PRDX2: variants seen among roughly 807,000 people sequenced by gnomAD.
The protein encoded by PRDX2 is peroxiredoxin 2.
In PRDX2, 10 loss-of-function variants were observed where a neutral mutation model predicts 19.8. The observed-to-expected ratio is 0.50, with a 90% CI of 0.31 to 0.86. PRDX2 has a LOEUF of 0.86. Ranked by LOEUF, PRDX2 falls within the 40% of genes least tolerant of loss-of-function variation. The pLI is 0.04. For missense variants in PRDX2, 226 were observed against 260.1 expected (o/e 0.87, Z 0.90); for synonymous variants, 118 against 108.2 (o/e 1.09, Z -0.56).
At chr19:12,797,366 C>G (rs1968808772) in intron 5 of PRDX2, among the ~76,000 whole-genome samples, 200 bp from the exon 6 acceptor site, 1 of 151,086 alleles carries the variant, frequency 6.6e-6, no homozygotes, top group Non-Finnish European at 1.5e-5. Context: ...GCTCTGTTGC[C>G]CAGGCTGAAG....
intron 1 of PRDX2, 51 bp from the exon 2 acceptor site, chr19:12,801,321 A>G (rs1306311091): frequency 6.5e-7 from 1 of 1,544,154 alleles, no homozygotes; most frequent in African/African-American, 1.4e-5. Context: ...TGTCCTCCCA[A>G]CCCAAGGTCG....
Position 12,801,026 on chromosome 19 carries a change from A to C in PRDX2, c.147T>G (p.Phe49Leu). The C allele has an allele frequency of 6.2e-7, 1 of 1,612,338 alleles. No individual in the cohort carries two copies. The highest frequency in any genetic ancestry group is 8.5e-7 in the Non-Finnish European group (1 of 1,179,144). The change falls in exon 3 of 6, where the codon TTT becomes TTG. Residue 49 changes from phenylalanine (F) to leucine (L), a missense_variant. Transcript: ENST00000301522. ...VLFFYPLDFT[F>L]VCPTEIIAFS... ...ACGCGATGATCTCGGTGGGGCACAC[A>C]AAAGTGAAGTCCAGAGGGTAGAAAA...
Position 12,796,980 on chromosome 19 carries a change from G to T in PRDX2, c.*101C>A. 8.3e-7 allele frequency: 1 copy of T among 1,198,744 alleles called. No individual in the cohort carries two copies. The highest frequency in any genetic ancestry group is 1.2e-6 in the Non-Finnish European group (1 of 830,124). 74.3% of individuals were successfully genotyped at this position (1,198,744 alleles called of 1,614,324 possible). A position where few individuals can be genotyped will look rare whatever the true frequency, so the allele number is the denominator to read the frequency against. On this transcript the variant is annotated 3_prime_UTR_variant, in exon 6 of 6. Transcript: ENST00000301522. ...CTGTGGAGTTTGGAGGGGCAGGTCT[G>T]GCCTTTCCTGGGTCAGCATAGGGCA...
chr19:12,799,905 A>G lies in PRDX2; in HGVS notation c.465T>C (p.Ala155=). The change falls in exon 5 of 6, where the codon GCT becomes GCC. Residue 155 remains alanine (A), a synonymous_variant. Transcript: ENST00000301522. ...ACTGGAAGGCCTGGACCAGCCGCAGAGCCTCATCCACGGAGCGTCCCACAG... is the reference window on the plus strand; with the variant it reads ...ACTGGAAGGCCTGGACCAGCCGCAGGGCCTCATCCACGGAGCGTCCCACAG... The part of the protein sequence containing the change: ...DLPVGRSVDE[A]LRLVQAFQYT... 6.2e-7 allele frequency: 1 copy of G among 1,613,764 alleles called. No individual in the cohort carries two copies. The highest frequency in any genetic ancestry group is 1.7e-5 in the Admixed American group (1 of 60,006).
rs762419025 is a variant in PRDX2, at chr19:12,799,901, G to T, written c.469C>A (p.Arg157=). The change falls in exon 5 of 6, where the codon CGG becomes AGG. Residue 157 remains arginine, a synonymous_variant. Coordinates refer to ENST00000301522, the MANE Select transcript of PRDX2 (RefSeq NM_005809.6). The part of the protein sequence containing the change: ...PVGRSVDEAL[R]LVQAFQYTDE... Reference sequence around the variant, plus strand: ...GTGTACTGGAAGGCCTGGACCAGCCGCAGAGCCTCATCCACGGAGCGTCCC... The same window carrying T: ...GTGTACTGGAAGGCCTGGACCAGCCTCAGAGCCTCATCCACGGAGCGTCCC... 3 of 1,613,516 alleles carry T rather than the reference G, an allele frequency of 1.9e-6. No homozygotes were observed. The highest frequency in any genetic ancestry group is 2.2e-5 in the South Asian group (2 of 91,046).
rs771910666 is a variant in PRDX2, at chr19:12,800,180, T to C, written c.377A>G (p.Tyr126Cys). Reference protein sequence around the residue: ...GVLKTDEGIAYRGLFIIDGKG... With the variant: ...GVLKTDEGIACRGLFIIDGKG... ...CGGGCTGAGGGTCCCACAGTACCTG[T>C]AGGCAATGCCCTCATCTGTTTTCAG... is the stretch of plus-strand genomic sequence containing the variant. The change falls in exon 4 of 6, where the codon TAC becomes TGC. Residue 126 changes from tyrosine (Y) to cysteine (C), a missense_variant. Tyr to Cys is a radical substitution (Grantham distance 194, BLOSUM62 -2). Coordinates refer to ENST00000301522, the MANE Select transcript of PRDX2 (RefSeq NM_005809.6). 4 of 1,613,730 alleles carry C rather than the reference T, an allele frequency of 2.5e-6. No homozygotes were observed. In the South Asian group the frequency reaches 3.3e-5, roughly 13 times the overall value.
chr19:12,801,008 G>T lies in PRDX2; in HGVS notation c.165C>A (p.Ile55=), dbSNP rs151188598. The change falls in exon 3 of 6, where the codon ATC becomes ATA. Residue 55 remains isoleucine, a synonymous_variant. Coordinates refer to ENST00000301522, the MANE Select transcript of PRDX2 (RefSeq NM_005809.6). The part of the protein sequence containing the change: ...LDFTFVCPTE[I]IAFSNRAEDF... The stretch of plus-strand genomic sequence containing the variant: ...CCTCTGCACGGTTGCTGAACGCGAT[G>T]ATCTCGGTGGGGCACACAAAAGTGA... 155 of 1,612,366 alleles carry T rather than the reference G, an allele frequency of 9.6e-5. No homozygotes were observed. The highest frequency in any genetic ancestry group is 1.3e-4 in the Non-Finnish European group (153 of 1,179,538).
At position 12,797,656 on chromosome 19, in the gene PRDX2, C is replaced by CTTTCTTTTTTTTT. The variant is rs1321932913; in HGVS notation, c.512-491_512-490insAAAAAAAAAGAAA. On this transcript the variant is annotated intron_variant, in intron 5 of 5. Transcript: ENST00000301522. Reference sequence around the variant, plus strand: ...TTCTTTTCTTCTTTTTTCTTTCTTTCTTTTTTTTTTTTTTTTTTTGAGACA... The same window carrying CTTTCTTTTTTTTT: ...TTCTTTTCTTCTTTTTTCTTTCTTTCTTTCTTTTTTTTTTTTTTTTTTTTTTTTTTTTGAGACA... 6.3e-3 allele frequency among the ~76,000 whole-genome samples: 717 copies of CTTTCTTTTTTTTT among 113,014 alleles called. 14 individuals carry two copies. The highest frequency in any genetic ancestry group is 0.01 in the African/African-American group (289 of 27,554). 74.1% of individuals were successfully genotyped at this position (113,014 alleles called of 152,430 possible).
intron 3 of PRDX2, chr19:12,800,571 T>G: frequency 1.1e-6 from 1 of 902,308 alleles, no homozygotes; most frequent in South Asian, 1.8e-5. Flanking sequence ...GTGTTAAGAG[T>G]CCCCATCCTC....
At chr19:12,800,722 CTA>C in intron 3 of PRDX2, 192 bp downstream of exon 3, 1 of 1,497,724 alleles carries the variant, frequency 6.7e-7, no homozygotes, top group Non-Finnish European at 8.9e-7. Context: ...ATCTGCAACT[CTA>C]TATACCAGGC....
At chr19:12,801,352 G>A (rs1385167108) in intron 1 of PRDX2, 82 bp from the exon 2 acceptor site, 8 of 1,392,244 alleles carry the variant, frequency 5.7e-6, no homozygotes. Flanking sequence ...TGGGCCCTAT[G>A]ACTGAGTCAG....
chr19:12,801,478 C>G (rs1393998453), intron 1 of PRDX2, among the ~76,000 whole-genome samples: 1 of 152,238 alleles, frequency 6.6e-6, no homozygotes, highest in Non-Finnish European at 1.5e-5. Context: ...GCCACTGCCA[C>G]CAGCACCCCA....
At chr19:12,798,201 C>T (rs1048213659) in intron 5 of PRDX2, among the ~76,000 whole-genome samples, 3 of 151,282 alleles carry the variant, frequency 2.0e-5, no homozygotes, top group Admixed American at 6.6e-5. Flanking sequence ...CCCGCCACCA[C>T]GCCCGACTAA....
intron 5 of PRDX2, among the ~76,000 whole-genome samples, chr19:12,797,432 T>G (rs1968810221): frequency 6.6e-6 from 1 of 151,474 alleles, no homozygotes; most frequent in African/African-American, 2.4e-5. Flanking sequence ...CAAGCGATTC[T>G]CATGCCCCAG....
intron 3 of PRDX2, 69 bp downstream of exon 3, chr19:12,800,847 G>A: frequency 6.4e-7 from 1 of 1,557,312 alleles, no homozygotes; most frequent in Middle Eastern, 1.7e-4. Flanking sequence ...CAATGGCCAC[G>A]AAGCCACACT....
rs1349345867 is a variant in PRDX2 at position 12,800,177 on chromosome 19, C to T, written c.380G>A (p.Arg127Lys). Reference protein sequence around the residue: ...VLKTDEGIAYRGLFIIDGKGV... With the variant: ...VLKTDEGIAYKGLFIIDGKGV... ...AGCCGGGCTGAGGGTCCCACAGTACCTGTAGGCAATGCCCTCATCTGTTTT... is the reference window on the plus strand; with the variant it reads ...AGCCGGGCTGAGGGTCCCACAGTACTTGTAGGCAATGCCCTCATCTGTTTT... Residue 127 changes from arginine to lysine, a missense_variant and splice_region_variant, in exon 4 of 6, where the codon AGG becomes AAG. Transcript: ENST00000301522. 1.9e-6 allele frequency: 3 copies of T among 1,613,766 alleles called. No individual in the cohort carries two copies. The highest frequency in any genetic ancestry group is 2.5e-6 in the Non-Finnish European group (3 of 1,179,916).
intron 3 of PRDX2, 196 bp downstream of exon 3, chr19:12,800,720 C>G: frequency 6.7e-7 from 1 of 1,483,590 alleles, no homozygotes; most frequent in East Asian, 2.5e-5. Flanking sequence ...GCATCTGCAA[C>G]TCTATATACC....
chr19:12,800,427 C>T, intron 3 of PRDX2, 128 bp from the exon 4 acceptor site: 1 of 1,243,796 alleles, frequency 8.0e-7, no homozygotes, highest in Non-Finnish European at 1.1e-6. Flanking sequence ...CGCTGGGAGC[C>T]TCACCCACCC....
Position 12,796,930 on chromosome 19 carries a change from T to C in PRDX2, c.*151A>G. On this transcript the variant is annotated 3_prime_UTR_variant, in exon 6 of 6. Coordinates refer to ENST00000301522, the MANE Select transcript of PRDX2 (RefSeq NM_005809.6). ...TCTAGGTGGAGGCATGAGAAGGCCT[T>C]GGCCTAGCCCTCCAGGGTCCCATAC... The C allele has an allele frequency of 1.4e-6, 1 of 707,602 alleles. No individual in the cohort carries two copies. Among genetic ancestry groups the C allele is most frequent in the Non-Finnish European group, 2.3e-6 (1 of 430,188 alleles). 43.8% of individuals were successfully genotyped at this position (707,602 alleles called of 1,614,324 possible). A position where few individuals can be genotyped will look rare whatever the true frequency, so the allele number is the denominator to read the frequency against.
Sources: gnomAD v4.1 joint callset for allele counts (sites outside exome capture counted in the v4.1 genomes callset) on GRCh38, gnomAD v4.1.1 for gene constraint, MANE v1.5 for transcripts, NCBI Gene and HGNC (gene_info 2026-07-23, HGNC 2026-07-21) for gene names.